Variants in WBP4 observed in about 807,000 individuals in gnomAD.
WBP4 encodes WW domain-binding protein 4.
Under a neutral mutation model 55.4 loss-of-function variants are expected in WBP4, and 37 were observed. The ratio of observed to expected loss-of-function variants is 0.67; its 90% CI spans 0.51 to 0.88. The LOEUF (loss-of-function observed/expected upper bound fraction) is 0.88. Ranked by LOEUF, WBP4 falls within the 40% of genes least tolerant of loss-of-function variation. The pLI is 0.00. For missense variants in WBP4, 398 were observed against 420.8 expected, an observed-to-expected ratio of 0.95 and a Z score of 0.47; for synonymous variants, 142 against 140.2, an observed-to-expected ratio of 1.01 and a Z score of -0.09.
intron 9 of WBP4, among the ~76,000 whole-genome samples, chr13:41,082,237 C>T (rs927424836): frequency 1.3e-5 from 2 of 152,080 alleles, no homozygotes; most frequent in Non-Finnish European, 2.9e-5. Context: ...CTCAGCCTCT[C>T]GAGTAGCTGG....
intron 2 of WBP4, 22 bp from the exon 3 acceptor site, chr13:41,064,994 A>C (rs777208959): frequency 2.1e-5 from 32 of 1,538,858 alleles, no homozygotes; most frequent in Non-Finnish European, 2.7e-5. Flanking sequence ...TTCTTTTGTT[A>C]TTTTCTCTTT....
chr13:41,070,337 ATAAT>A (rs952078787), intron 5 of WBP4, among the ~76,000 whole-genome samples: 1 of 152,118 alleles, frequency 6.6e-6, no homozygotes, highest in African/African-American at 2.4e-5. Context: ...ACTTCAGTAG[ATAAT>A]TAAGAGGTAC....
chr13:41,079,936 G>A (rs1176475824), intron 8 of WBP4, among the ~76,000 whole-genome samples: 4 of 152,170 alleles, frequency 2.6e-5, no homozygotes, highest in Non-Finnish European at 5.9e-5. Context: ...GAATGGAACT[G>A]GAGGCCATTA....
At chr13:41,065,401 C>G (rs572871017) in intron 4 of WBP4, 114 bp downstream of exon 4, 153 of 1,375,808 alleles carry the variant, frequency 1.1e-4, no homozygotes, top group Admixed American at 1.2e-4. Flanking sequence ...AGTGTACTCT[C>G]AGTGCTTTTA....
rs184985207 is a variant in WBP4, at chr13:41,072,008, C to T, written c.486+435C>T. On this transcript the variant is annotated intron_variant, in intron 6 of 9. Transcript: ENST00000379487. The stretch of plus-strand genomic sequence containing the variant: ...TAACAGTGAGCCGAGATTGCACCAC[C>T]GCACTCCAGCCTGGATAACAAAGTA... Among the ~76,000 whole-genome samples, 7 of 148,526 alleles carry T rather than the reference C, an allele frequency of 4.7e-5. No homozygotes were observed. In the Admixed American group the frequency reaches 4.7e-4, roughly 10 times the overall value.
Position 41,062,629 on chromosome 13 carries a change from G to T in WBP4, c.3-15G>T, listed in dbSNP as rs1555284153. Reference sequence around the variant, plus strand: ...AGTTTTACATGAGCTTAGCCTTGTTGTCTCTCTTTTTCAGGGCGGACTACT... The same window carrying T: ...AGTTTTACATGAGCTTAGCCTTGTTTTCTCTCTTTTTCAGGGCGGACTACT... On this transcript the variant is annotated splice_polypyrimidine_tract_variant and intron_variant, in intron 1 of 9. Coordinates refer to ENST00000379487, the MANE Select transcript of WBP4 (RefSeq NM_007187.5). 17 of 1,611,926 alleles carry T rather than the reference G, an allele frequency of 1.1e-5. No individual in the cohort carries two copies. In the South Asian group the frequency reaches 1.7e-4, roughly 16 times the overall value.
rs780214053 is a variant in WBP4, at chr13:41,062,646, C to T, written c.5C>T (p.Ala2Val). Reference sequence around the variant, plus strand: ...GCCTTGTTGTCTCTCTTTTTCAGGGCGGACTACTGGAAGTCACAGCCAAAG... The same window carrying T: ...GCCTTGTTGTCTCTCTTTTTCAGGGTGGACTACTGGAAGTCACAGCCAAAG... MADYWKSQPKKF... is the reference protein window; with the variant it reads MVDYWKSQPKKF... Residue 2 changes from alanine to valine, a missense_variant and splice_region_variant, in exon 2 of 10, where the codon GCG (alanine) becomes GTG (valine). Transcript: ENST00000379487. 3 of 1,613,182 alleles carry T rather than the reference C, an allele frequency of 1.9e-6. No individual in the cohort carries two copies. The highest frequency in any genetic ancestry group is 2.5e-6 in the Non-Finnish European group (3 of 1,179,524).
At chr13:41,073,448 G>T (rs1194262334) in intron 7 of WBP4, among the ~76,000 whole-genome samples, 1 of 151,880 alleles carries the variant, frequency 6.6e-6, no homozygotes, top group Admixed American at 6.6e-5. Flanking sequence ...GGGAGGCGGA[G>T]GTTGCAGTGA....
At chr13:41,080,835 CTGT>C (rs768822373) in intron 9 of WBP4, 26 bp downstream of exon 9, 36 of 1,585,460 alleles carry the variant, frequency 2.3e-5, no homozygotes, top group Non-Finnish European at 3.0e-5. Context: ...TTTAATCCCA[CTGT>C]TATTACAAGT....
At position 41,076,105 on chromosome 13, in the gene WBP4, G is replaced by A; in HGVS notation, c.624G>A (p.Lys208=). ...IPHTSDLPSS[K]VNENSLGTLD... is the part of the protein sequence containing the mutation. ...ACACTAGTGATCTGCCTTCTAGTAA[G>A]GTCAATGAAAATTCACTTGGCACCC... The change falls in exon 8 of 10, where the codon AAG becomes AAA. Residue 208 remains lysine (K), a synonymous_variant. Coordinates refer to ENST00000379487, the MANE Select transcript of WBP4 (RefSeq NM_007187.5). 6.2e-7 allele frequency: 1 copy of A among 1,613,342 alleles called. No individual in the cohort carries two copies. Among genetic ancestry groups the A allele is most frequent in the South Asian group, 1.1e-5 (1 of 91,044 alleles).
At chr13:41,075,097 TG>T (rs1269147360) in intron 7 of WBP4, among the ~76,000 whole-genome samples, 1 of 152,222 alleles carries the variant, frequency 6.6e-6, no homozygotes, top group Non-Finnish European at 1.5e-5. Context: ...TATATTGGTT[TG>T]CCTTGAATGA....
intron 8 of WBP4, among the ~76,000 whole-genome samples, chr13:41,079,533 C>T (rs1438031939): frequency 2.4e-5 from 3 of 123,682 alleles, no homozygotes. Flanking sequence ...CAGAGCAAGA[C>T]TCCGTCTCAA....
At chr13:41,069,281 C>T (rs1027043139) in intron 5 of WBP4, among the ~76,000 whole-genome samples, 1 of 151,788 alleles carries the variant, frequency 6.6e-6, no homozygotes, top group African/African-American at 2.4e-5. Flanking sequence ...AATCCTAGCA[C>T]TTTTGAGGGG....
At chr13:41,069,915 G>A (rs1040250126) in intron 5 of WBP4, among the ~76,000 whole-genome samples, 8 of 150,196 alleles carry the variant, frequency 5.3e-5, no homozygotes, top group African/African-American at 1.7e-4. Context: ...ACACAGTGTC[G>A]TTTTACAGTA....
At chr13:41,070,833 A>G (rs1329282310) in intron 5 of WBP4, among the ~76,000 whole-genome samples, 2 of 152,178 alleles carry the variant, frequency 1.3e-5, no homozygotes, top group Non-Finnish European at 2.9e-5. Context: ...AAGATCAGAG[A>G]GTTAATCATG....
At chr13:41,075,625 C>G (rs546989122) in intron 7 of WBP4, among the ~76,000 whole-genome samples, 1 of 152,252 alleles carries the variant, frequency 6.6e-6, no homozygotes, top group Middle Eastern at 3.4e-3. Context: ...AAGCAATCCT[C>G]CTACCTCGCC....
In WBP4 at chr13:41,067,989, ATAAT is replaced by A. The variant is rs372655168; in HGVS notation, c.263-567_263-564del. Among the ~76,000 whole-genome samples, 124 of 152,248 alleles carry A rather than the reference ATAAT, an allele frequency of 8.1e-4. 2 individuals are homozygous for A. The East Asian group carries it at 0.012, about 15-fold the overall frequency. On this transcript the variant is annotated intron_variant, in intron 4 of 9. Transcript: ENST00000379487. Reference sequence around the variant, plus strand: ...GGGAACAGCTTTACTTTTTTCCCAAATAATTAATCAGTTAATCTAAAAACTTTCT... The same window carrying A: ...GGGAACAGCTTTACTTTTTTCCCAAATAATCAGTTAATCTAAAAACTTTCT...
chr13:41,064,066 C>A (rs565395596), intron 2 of WBP4, among the ~76,000 whole-genome samples: 2 of 151,148 alleles, frequency 1.3e-5, no homozygotes, highest in Non-Finnish European at 2.9e-5. Context: ...CATAGGTTAT[C>A]ATTTTTTTTT....
intron 5 of WBP4, 82 bp downstream of exon 5, chr13:41,068,819 C>G: frequency 2.2e-6 from 3 of 1,369,006 alleles, no homozygotes; most frequent in East Asian, 2.5e-5. Context: ...GGATTTTTAT[C>G]TAATGTTGGA....
Sources: allele counts gnomAD v4.1 joint callset (sites outside exome capture counted in the v4.1 genomes callset), GRCh38; gene constraint gnomAD v4.1.1; transcripts MANE v1.5; gene names NCBI Gene and HGNC (gene_info 2026-07-23, HGNC 2026-07-21).